Variants in AP3S1 observed in about 807,000 individuals in gnomAD.
AP3S1 encodes the protein adaptor related protein complex 3 subunit sigma 1.
A neutral mutation model predicts 21.3 loss-of-function variants in AP3S1; 12 were observed. The observed-to-expected ratio is 0.56, with a 90% CI of 0.36 to 0.91. The LOEUF is 0.91. AP3S1 is among the 40% of genes least tolerant of loss of function. The probability of loss-of-function intolerance (pLI) is 0.01; values close to 1 mark genes in which losing one functional copy is unlikely to be tolerated. For synonymous variants in AP3S1, 48 were observed against 78.4 expected (o/e 0.61, Z 2.05); for missense variants, 116 against 225.0 (o/e 0.52, Z 3.10).
intron 3 of AP3S1, among the ~76,000 whole-genome samples, chr5:115,879,673 G>A (rs1220516850): frequency 6.6e-6 from 1 of 151,980 alleles, no homozygotes. Flanking sequence ...TTTTTCTTGT[G>A]TCTCTCTCAG....
intron 3 of AP3S1, among the ~76,000 whole-genome samples, chr5:115,881,719 G>T (rs1364354749): frequency 6.6e-6 from 1 of 152,098 alleles, no homozygotes; most frequent in African/African-American, 2.4e-5. Context: ...TGTGTTCTCT[G>T]TATTTCCTGA....
intron 5 of AP3S1, among the ~76,000 whole-genome samples, chr5:115,908,538 A>G (rs114324507): frequency 0.014 from 2,173 of 152,254 alleles, 19 homozygotes; most frequent in African/African-American, 0.018. Flanking sequence ...GGTCAAAACT[A>G]GTAATGATAA....
At chr5:115,852,963 A>G (rs152368) in intron 1 of AP3S1, 170,446 of 447,388 alleles carry the variant, frequency 0.38, 33,845 homozygotes, top group Admixed American at 0.49. Context: ...GTGACCATAT[A>G]TTCTCATTTC....
chr5:115,859,858 T>A lies in AP3S1; in HGVS notation c.70-6812T>A, dbSNP rs546377935. Among the ~76,000 whole-genome samples the A allele has an allele frequency of 4.9e-4, 74 of 152,320 alleles. No individual in the cohort carries two copies. In the Middle Eastern group the frequency reaches 0.014, roughly 28 times the overall value. On this transcript the variant is annotated intron_variant, in intron 1 of 5. Transcript: ENST00000316788. ...TATTCTGAGAACTGATTAGACAGGATCTGGTGGTATCTGTACATTTACCTA... is the reference window on the plus strand; with the variant it reads ...TATTCTGAGAACTGATTAGACAGGAACTGGTGGTATCTGTACATTTACCTA...
chr5:115,902,505 T>C (rs886662410), intron 4 of AP3S1, among the ~76,000 whole-genome samples: 4 of 152,166 alleles, frequency 2.6e-5, no homozygotes, highest in Non-Finnish European at 5.9e-5. Flanking sequence ...GCTAAGAATC[T>C]GGCATAAAAG....
chr5:115,848,763 T>G (rs538895031), intron 1 of AP3S1, among the ~76,000 whole-genome samples: 9 of 152,338 alleles, frequency 5.9e-5, no homozygotes, highest in African/African-American at 2.2e-4. Context: ...TGTATAAAAC[T>G]GTCACATTAG....
intron 3 of AP3S1, among the ~76,000 whole-genome samples, chr5:115,874,002 A>T (rs367960654): frequency 1.3e-5 from 2 of 152,110 alleles, no homozygotes; most frequent in Non-Finnish European, 2.9e-5. Flanking sequence ...TGTTGTCCCA[A>T]ATATGACTTT....
At chr5:115,881,988 A>T (rs1242372733) in intron 3 of AP3S1, among the ~76,000 whole-genome samples, 1 of 151,228 alleles carries the variant, frequency 6.6e-6, no homozygotes, top group Non-Finnish European at 1.5e-5. Flanking sequence ...TGCTTGATTG[A>T]TTTGGCTATT....
intron 1 of AP3S1, among the ~76,000 whole-genome samples, chr5:115,845,371 A>G (rs974624404): frequency 2.0e-5 from 3 of 152,140 alleles, no homozygotes; most frequent in African/African-American, 7.2e-5. Flanking sequence ...AAATATAACA[A>G]CTTACATATT....
rs79861259 is a variant in AP3S1 at position 115,871,940 on chromosome 5, G to A, written c.273+1812G>A. The stretch of plus-strand genomic sequence containing the variant: ...TGGCATGGTTTGAGCTCTAGTTGGC[G>A]TTACAGAATAGACAAGAAATTAACC... On this transcript the variant is annotated intron_variant, in intron 3 of 5. Transcript: ENST00000316788. Among the ~76,000 whole-genome samples the A allele has an allele frequency of 5.0e-3, 754 of 152,246 alleles. 28 individuals are homozygous for A. The highest frequency in any genetic ancestry group is 0.039 in the Admixed American group (600 of 15,288).
At chr5:115,862,241 T>G (rs1763253707) in intron 1 of AP3S1, among the ~76,000 whole-genome samples, 1 of 152,168 alleles carries the variant, frequency 6.6e-6, no homozygotes, top group Admixed American at 6.5e-5. Flanking sequence ...CACACAGCTT[T>G]TTTTCAGTAA....
chr5:115,860,843 T>G (rs1395702161), intron 1 of AP3S1, among the ~76,000 whole-genome samples: 1 of 152,220 alleles, frequency 6.6e-6, no homozygotes, highest in African/African-American at 2.4e-5. Context: ...ATTTACCATC[T>G]TAATTAGAAC....
intron 3 of AP3S1, among the ~76,000 whole-genome samples, chr5:115,882,121 A>T (rs1048063169): frequency 6.6e-6 from 1 of 151,922 alleles, no homozygotes; most frequent in Non-Finnish European, 1.5e-5. Context: ...CAAGGCTCTT[A>T]GCTTCCTTGC....
intron 3 of AP3S1, among the ~76,000 whole-genome samples, chr5:115,879,510 G>C (rs1749076253): frequency 6.6e-6 from 1 of 152,118 alleles, no homozygotes; most frequent in African/African-American, 2.4e-5. Context: ...TTATTGATTT[G>C]CGTATGTTAA....
At position 115,842,027 on chromosome 5, in the gene AP3S1, C is replaced by T. The variant is rs1235245026; in HGVS notation, c.-11C>T. 1.9e-6 allele frequency: 3 copies of T among 1,582,244 alleles called. No homozygotes were observed. Among genetic ancestry groups the T allele is most frequent in the Middle Eastern group, 1.7e-4 (1 of 6,036 alleles). Reference sequence around the variant, plus strand: ...GGCCCCCAGTGCCCACCCGGTCGGCCCGGCACAGCCATGATCAAGGCGATC... The same window carrying T: ...GGCCCCCAGTGCCCACCCGGTCGGCTCGGCACAGCCATGATCAAGGCGATC... On this transcript the variant is annotated 5_prime_UTR_variant, in exon 1 of 6. Transcript: ENST00000316788.
At chr5:115,846,170 T>A (rs1452574093) in intron 1 of AP3S1, among the ~76,000 whole-genome samples, 2 of 152,318 alleles carry the variant, frequency 1.3e-5, no homozygotes, top group African/African-American at 2.4e-5. Flanking sequence ...GAATTACTTT[T>A]AAAAAATTTT....
intron 3 of AP3S1, among the ~76,000 whole-genome samples, chr5:115,880,479 G>A (rs1308376191): frequency 6.6e-6 from 1 of 152,128 alleles, no homozygotes; most frequent in Non-Finnish European, 1.5e-5. Flanking sequence ...CTCTGGAGCA[G>A]GTTGTTCAGT....
At chr5:115,849,927 C>T (rs1762319303) in intron 1 of AP3S1, among the ~76,000 whole-genome samples, 1 of 152,006 alleles carries the variant, frequency 6.6e-6, no homozygotes, top group South Asian at 2.1e-4. Context: ...AAACAAAAAA[C>T]ATGAGTGCTC....
intron 5 of AP3S1, among the ~76,000 whole-genome samples, chr5:115,906,607 G>C (rs1751674875): frequency 6.6e-6 from 1 of 152,058 alleles, no homozygotes; most frequent in East Asian, 1.9e-4. Context: ...GGAAGTATAA[G>C]AGGCACTCAG....
Sources: allele counts gnomAD v4.1 joint callset (sites outside exome capture counted in the v4.1 genomes callset), GRCh38; gene constraint gnomAD v4.1.1; transcripts MANE v1.5; gene names NCBI Gene and HGNC (gene_info 2026-07-23, HGNC 2026-07-21).